The following ADAM18 variants were observed in gnomAD, a reference collection of about 807,000 sequenced individuals.
The protein encoded by ADAM18 is disintegrin and metalloproteinase domain-containing protein 18.
ADAM18 carries 117 observed loss-of-function variants against 94.4 expected under a neutral mutation model. That is an observed-to-expected ratio of 1.24 (90% CI 1.07 to 1.45). The LOEUF is 1.45. Ranked by LOEUF, ADAM18 falls within the 40% of genes most tolerant of loss-of-function variation. The probability of loss-of-function intolerance (pLI) is 0.00; values close to 1 mark genes in which losing one functional copy is unlikely to be tolerated. For missense variants in ADAM18, 936 were observed against 880.0 expected (o/e 1.06, Z -0.81); for synonymous variants, 327 against 291.6 (o/e 1.12, Z -1.24).
In ADAM18 at chr8:39,592,230, G is replaced by A. The variant is rs115643744; in HGVS notation, c.132+6878G>A. ...GTAATAAGCATTAACAAGAGAGTCA[G>A]CTCGTCTTTTAAAGCTAGACATTAA... On this transcript the variant is annotated intron_variant, in intron 2 of 19. Transcript: ENST00000265707. 5.8e-3 allele frequency among the ~76,000 whole-genome samples: 885 copies of A among 152,186 alleles called. 6 individuals are homozygous for A. The highest frequency in any genetic ancestry group is 0.02 in the African/African-American group (839 of 41,534).
chr8:39,729,684 GATAA>G (rs1044996027), intron 19 of ADAM18, among the ~76,000 whole-genome samples: 2 of 151,734 alleles, frequency 1.3e-5, no homozygotes, highest in African/African-American at 4.8e-5. Flanking sequence ...TTATAATATA[GATAA>G]GTTACCTATA....
chr8:39,603,560 A>G lies in ADAM18; in HGVS notation c.133-2747A>G, dbSNP rs968017982. On this transcript the variant is annotated intron_variant, in intron 2 of 19. Coordinates refer to ENST00000265707, the MANE Select transcript of ADAM18 (RefSeq NM_014237.3). ...TTCAGTGGACTACAGTATAGTGTAA[A>G]CATAACTTTTATATGCACTGGGAAA... is the stretch of plus-strand genomic sequence containing the variant. Among the ~76,000 whole-genome samples, 15 of 152,308 alleles carry G rather than the reference A, an allele frequency of 9.8e-5. No homozygotes were observed. In the East Asian group the frequency reaches 1.9e-3, roughly 20 times the overall value.
chr8:39,712,881 T>G (rs1029966602), intron 18 of ADAM18, among the ~76,000 whole-genome samples: 1 of 152,184 alleles, frequency 6.6e-6, no homozygotes, highest in African/African-American at 2.4e-5. Context: ...AATTTGTAGA[T>G]TCAATGCCAT....
At chr8:39,628,169 T>A (rs2129579000) in intron 6 of ADAM18, among the ~76,000 whole-genome samples, 1 of 152,108 alleles carries the variant, frequency 6.6e-6, no homozygotes, top group Middle Eastern at 3.4e-3. Flanking sequence ...TATTTCAGTT[T>A]GAGCAATAAG....
chr8:39,712,656 A>C (rs1822448542), intron 18 of ADAM18, among the ~76,000 whole-genome samples: 1 of 152,222 alleles, frequency 6.6e-6, no homozygotes, highest in South Asian at 2.1e-4. Flanking sequence ...ACAGACAAAC[A>C]GAGCGCCAAA....
At position 39,629,355 on chromosome 8, in the gene ADAM18, C is replaced by G. The variant is rs371696739; in HGVS notation, c.523-19C>G. 1 of 1,527,198 alleles carries G rather than the reference C, an allele frequency of 6.5e-7. No homozygotes were observed. The highest frequency in any genetic ancestry group is 8.9e-7 in the Non-Finnish European group (1 of 1,117,578). 94.6% of individuals were successfully genotyped at this position (1,527,198 alleles called of 1,614,324 possible). On this transcript the variant is annotated intron_variant, in intron 6 of 19. Coordinates refer to ENST00000265707, the MANE Select transcript of ADAM18 (RefSeq NM_014237.3). Reference sequence around the variant, plus strand: ...ATACATGTTAACATTTTATAAATCCCGTTGTTGTTGTTTTCCAGATAAAAA... The same window carrying G: ...ATACATGTTAACATTTTATAAATCCGGTTGTTGTTGTTTTCCAGATAAAAA...
chr8:39,663,967 T>A, intron 13 of ADAM18, 77 bp downstream of exon 13: 1 of 932,730 alleles, frequency 1.1e-6, no homozygotes, highest in Non-Finnish European at 1.7e-6. Context: ...AATGTGCAAT[T>A]AATAAAAAGA....
chr8:39,676,333 C>T (rs1301058239), intron 14 of ADAM18, among the ~76,000 whole-genome samples: 1 of 152,200 alleles, frequency 6.6e-6, no homozygotes, highest in Non-Finnish European at 1.5e-5. Context: ...CTTTGTTTAC[C>T]TACTCAAGCC....
intron 2 of ADAM18, among the ~76,000 whole-genome samples, chr8:39,586,154 T>C (rs964435757): frequency 7.2e-5 from 11 of 152,312 alleles, no homozygotes; most frequent in African/African-American, 2.6e-4. Context: ...GGACCTACCA[T>C]GGCTATGTTC....
In ADAM18 at chr8:39,599,622, T is replaced by C. The variant is rs917378732; in HGVS notation, c.133-6685T>C. The stretch of plus-strand genomic sequence containing the variant: ...ATTTCACTAATCATTTTTCTGAAGC[T>C]TTCTAGACACAGATATTGCTCATAT... On this transcript the variant is annotated intron_variant, in intron 2 of 19. Transcript: ENST00000265707. 3.3e-5 allele frequency among the ~76,000 whole-genome samples: 5 copies of C among 152,148 alleles called. No homozygotes were observed. The East Asian group carries it at 9.6e-4, about 29-fold the overall frequency.
chr8:39,673,567 G>A (rs1373992024), intron 14 of ADAM18, among the ~76,000 whole-genome samples: 1 of 151,770 alleles, frequency 6.6e-6, no homozygotes, highest in Non-Finnish European at 1.5e-5. Flanking sequence ...AACATGCAGT[G>A]TCTGGTTTTC....
At chr8:39,607,450 A>AT (rs1819121417) in intron 3 of ADAM18, among the ~76,000 whole-genome samples, 1 of 152,300 alleles carries the variant, frequency 6.6e-6, no homozygotes, top group African/African-American at 2.4e-5. Context: ...TTCTCACTTA[A>AT]TTCATGACTA....
In ADAM18 at chr8:39,668,213, C is replaced by G; in HGVS notation, c.1525+17C>G. Reference sequence around the variant, plus strand: ...TTGGAAAAGGTATTGCTCTTTCTTTCGTATTTATTTTACCTTACATTTGCA... The same window carrying G: ...TTGGAAAAGGTATTGCTCTTTCTTTGGTATTTATTTTACCTTACATTTGCA... On this transcript the variant is annotated intron_variant, in intron 14 of 19. Coordinates refer to ENST00000265707, the MANE Select transcript of ADAM18 (RefSeq NM_014237.3). 6.2e-7 allele frequency: 1 copy of G among 1,611,462 alleles called. No homozygotes were observed. Among genetic ancestry groups the G allele is most frequent in the Middle Eastern group, 1.7e-4 (1 of 6,050 alleles).
At chr8:39,706,977 C>A in intron 18 of ADAM18, 73 bp downstream of exon 18, 2 of 824,402 alleles carry the variant, frequency 2.4e-6, no homozygotes, top group South Asian at 1.7e-5. Flanking sequence ...AAATCTAAGT[C>A]ATCTTGAATG....
chr8:39,656,876 T>C (rs1820699742), intron 12 of ADAM18, among the ~76,000 whole-genome samples: 1 of 152,068 alleles, frequency 6.6e-6, no homozygotes, highest in Non-Finnish European at 1.5e-5. Flanking sequence ...CAAAACACCA[T>C]CAGAATGGCG....
intron 6 of ADAM18, among the ~76,000 whole-genome samples, chr8:39,620,771 A>G (rs1312411778): frequency 1.3e-5 from 2 of 151,814 alleles, no homozygotes; most frequent in African/African-American, 2.4e-5. Context: ...ACACAGAAAG[A>G]TAAACACTGG....
At chr8:39,602,339 A>G (rs1227502901) in intron 2 of ADAM18, among the ~76,000 whole-genome samples, 2 of 152,162 alleles carry the variant, frequency 1.3e-5, no homozygotes, top group Non-Finnish European at 2.9e-5. Flanking sequence ...GTACACACCA[A>G]CATTTGCTGT....
chr8:39,604,896 G>T (rs1819022359), intron 2 of ADAM18, among the ~76,000 whole-genome samples: 1 of 152,090 alleles, frequency 6.6e-6, no homozygotes, highest in African/African-American at 2.4e-5. Flanking sequence ...GTCCCTTCTT[G>T]GTGTAGATGT....
At chr8:39,614,068 A>C (rs1401754654) in intron 6 of ADAM18, among the ~76,000 whole-genome samples, 1 of 152,230 alleles carries the variant, frequency 6.6e-6, no homozygotes, top group Non-Finnish European at 1.5e-5. Context: ...GATATTTTTC[A>C]CAAAATATTT....
Sources: allele counts gnomAD v4.1 joint callset (sites outside exome capture counted in the v4.1 genomes callset), GRCh38; gene constraint gnomAD v4.1.1; transcripts MANE v1.5; gene names NCBI Gene and HGNC (gene_info 2026-07-23, HGNC 2026-07-21).